The following VTI1A variants were observed in gnomAD, a reference collection of about 807,000 sequenced individuals.
VTI1A encodes the protein vesicle transport through interaction with t-SNAREs 1A.
A neutral mutation model predicts 34.9 loss-of-function variants in VTI1A; 22 were observed. That is an observed-to-expected ratio of 0.63 (90% CI 0.45 to 0.90). The LOEUF (loss-of-function observed/expected upper bound fraction) is 0.90. Ranked by LOEUF, VTI1A falls within the 40% of genes least tolerant of loss-of-function variation. The pLI, the probability that VTI1A is intolerant of heterozygous loss-of-function variation, is 0.00. For missense variants in VTI1A, 268 were observed against 275.6 expected, an observed-to-expected ratio of 0.97 and a Z score of 0.20; for synonymous variants, 87 against 97.3, an observed-to-expected ratio of 0.89 and a Z score of 0.62.
intron 5 of VTI1A, among the ~76,000 whole-genome samples, chr10:112,582,947 C>T (rs1226594787): frequency 6.6e-6 from 1 of 152,120 alleles, no homozygotes; most frequent in African/African-American, 2.4e-5. Context: ...ACCTGCCCAG[C>T]TTTACCACTG....
At chr10:112,478,742 GTAT>G in intron 3 of VTI1A, among the ~76,000 whole-genome samples, 1 of 152,126 alleles carries the variant, frequency 6.6e-6, no homozygotes, top group African/African-American at 2.4e-5. Flanking sequence ...TTTTATTATT[GTAT>G]TATATTACTA....
intron 7 of VTI1A, among the ~76,000 whole-genome samples, chr10:112,718,731 A>G (rs1281626880): frequency 6.6e-6 from 1 of 152,236 alleles, no homozygotes; most frequent in East Asian, 1.9e-4. Flanking sequence ...CCTTTCATAA[A>G]GCTAAGTAAT....
At chr10:112,700,765 T>C (rs78339615) in intron 7 of VTI1A, among the ~76,000 whole-genome samples, 5,891 of 152,298 alleles carry the variant, frequency 0.039, 382 homozygotes, top group African/African-American at 0.13. Flanking sequence ...TTTTTAAAAA[T>C]GTTTAACATT....
chr10:112,512,334 G>A (rs1849641181), intron 3 of VTI1A, among the ~76,000 whole-genome samples: 1 of 152,000 alleles, frequency 6.6e-6, no homozygotes, highest in Non-Finnish European at 1.5e-5. Context: ...ATACCTGTTG[G>A]CTATTTGTGT....
chr10:112,721,274 A>C (rs1849798243), intron 7 of VTI1A, among the ~76,000 whole-genome samples: 1 of 152,230 alleles, frequency 6.6e-6, no homozygotes, highest in South Asian at 2.1e-4. Context: ...AATAACCGAT[A>C]GGTGGCATCA....
chr10:112,752,618 G>A (rs993182595), intron 7 of VTI1A: 3 of 979,606 alleles, frequency 3.1e-6, no homozygotes, highest in African/African-American at 1.8e-5. Flanking sequence ...GGCTGCCAGG[G>A]TTTTTATAAG....
chr10:112,727,861 A>G (rs1427776005), intron 7 of VTI1A, among the ~76,000 whole-genome samples: 1 of 152,030 alleles, frequency 6.6e-6, no homozygotes, highest in Non-Finnish European at 1.5e-5. Context: ...AAGGATCCAG[A>G]ATTAGTAAAA....
chr10:112,690,739 A>G (rs1413913630), intron 7 of VTI1A, among the ~76,000 whole-genome samples: 2 of 152,262 alleles, frequency 1.3e-5, no homozygotes, highest in Admixed American at 1.3e-4. Flanking sequence ...AATGAAAAAT[A>G]TAGAGCATGT....
chr10:112,771,188 G>T (rs1851805400), intron 7 of VTI1A, among the ~76,000 whole-genome samples: 1 of 152,234 alleles, frequency 6.6e-6, no homozygotes, highest in Non-Finnish European at 1.5e-5. Flanking sequence ...TGACCTTGGA[G>T]AATTTTCCTC....
Position 112,616,234 on chromosome 10 carries a change from A to T in VTI1A, c.428-51984A>T, listed in dbSNP as rs769333326. ...CCAAGATGTTCAGGGACCAAATTTA[A>T]CCACCAGCACTGCAATCAGGAATCT... On this transcript the variant is annotated intron_variant, in intron 5 of 7. Transcript: ENST00000393077. Among the ~76,000 whole-genome samples, 40 of 152,284 alleles carry T rather than the reference A, an allele frequency of 2.6e-4. 1 individual carries two copies. The highest frequency in any genetic ancestry group is 2.4e-4 in the Non-Finnish European group (16 of 68,018).
intron 7 of VTI1A, among the ~76,000 whole-genome samples, chr10:112,712,339 G>A (rs182291487): frequency 4.0e-4 from 61 of 152,218 alleles, no homozygotes; most frequent in African/African-American, 1.3e-3. Context: ...TCATGACTGT[G>A]GAGGTATGAA....
In VTI1A at chr10:112,770,257, C is replaced by A. The variant is rs547338364; in HGVS notation, c.561-45033C>A. Among the ~76,000 whole-genome samples the A allele has an allele frequency of 4.6e-5, 7 of 152,172 alleles. No homozygotes were observed. The South Asian group carries it at 1.2e-3, about 27-fold the overall frequency. ...AAGTAACTGGCCTAAGATCACACAGCTAGTTAATGGCAGAGGCAGGCATAC... is the reference window on the plus strand; with the variant it reads ...AAGTAACTGGCCTAAGATCACACAGATAGTTAATGGCAGAGGCAGGCATAC... On this transcript the variant is annotated intron_variant, in intron 7 of 7. Transcript: ENST00000393077.
chr10:112,759,733 A>G (rs1467557074), intron 7 of VTI1A, among the ~76,000 whole-genome samples: 3 of 152,106 alleles, frequency 2.0e-5, no homozygotes, highest in East Asian at 3.9e-4. Flanking sequence ...TTCTCCTCCC[A>G]CGGAAGCTCC....
chr10:112,599,490 G>T (rs779529116), intron 5 of VTI1A, among the ~76,000 whole-genome samples: 1 of 152,172 alleles, frequency 6.6e-6, no homozygotes, highest in South Asian at 2.1e-4. Flanking sequence ...GATGCCAAAC[G>T]ACTGGACCGC....
intron 5 of VTI1A, among the ~76,000 whole-genome samples, chr10:112,608,883 C>T (rs17266687): frequency 0.013 from 2,035 of 152,220 alleles, 23 homozygotes; most frequent in Middle Eastern, 0.044. Flanking sequence ...GATGCTTTTT[C>T]ACTTCTTTAG....
At chr10:112,765,566 G>T (rs1264374142) in intron 7 of VTI1A, among the ~76,000 whole-genome samples, 1 of 152,162 alleles carries the variant, frequency 6.6e-6, no homozygotes, top group Non-Finnish European at 1.5e-5. Flanking sequence ...TATTTATTGA[G>T]CACCAATTAC....
chr10:112,531,926 A>T (rs900978151), intron 4 of VTI1A, among the ~76,000 whole-genome samples: 2 of 152,208 alleles, frequency 1.3e-5, no homozygotes, highest in Non-Finnish European at 1.5e-5. Context: ...ATAACTTTTC[A>T]TGTGAAATGA....
intron 7 of VTI1A, among the ~76,000 whole-genome samples, chr10:112,736,113 A>G (rs200452134): frequency 0.018 from 2,253 of 125,146 alleles, 25 homozygotes; most frequent in Middle Eastern, 0.039. Flanking sequence ...GTGTGTGTGT[A>G]TATATATATA....
rs980136562 is a variant in VTI1A, at chr10:112,815,769, T to C, written c.*386T>C. 3.6e-6 allele frequency: 1 copy of C among 276,424 alleles called. No individual in the cohort carries two copies. Among genetic ancestry groups the C allele is most frequent in the African/African-American group, 2.1e-5 (1 of 46,676 alleles). 17.1% of individuals were successfully genotyped at this position (276,424 alleles called of 1,614,324 possible). ...GCTTCTGTTTGTCACCCGCCTCTTG[T>C]TGCTGAAAAGCTCTTCTGTGATGTC... is the stretch of plus-strand genomic sequence containing the variant. On this transcript the variant is annotated 3_prime_UTR_variant, in exon 8 of 8. Transcript: ENST00000393077.
Sources: gnomAD v4.1 joint callset for allele counts (sites outside exome capture counted in the v4.1 genomes callset) on GRCh38, gnomAD v4.1.1 for gene constraint, MANE v1.5 for transcripts, NCBI Gene and HGNC (gene_info 2026-07-23, HGNC 2026-07-21) for gene names.